Variants in GPHN observed in about 807,000 individuals in gnomAD.
GPHN encodes gephyrin.
Under a neutral mutation model 95.5 loss-of-function variants are expected in GPHN, and 17 were observed. The ratio of observed to expected loss-of-function variants is 0.18; its 90% CI spans 0.12 to 0.27. GPHN has a LOEUF of 0.27. Among genes scored for constraint, GPHN ranks in the 10% least tolerant of loss-of-function variants. GPHN has a pLI of 1.00. For missense variants in GPHN, 660 were observed against 978.1 expected (o/e 0.67, Z 4.34); for synonymous variants, 320 against 322.5 (o/e 0.99, Z 0.08).
At chr14:66,816,616 A>G (rs999249961) in intron 3 of GPHN, among the ~76,000 whole-genome samples, 1 of 152,218 alleles carries the variant, frequency 6.6e-6, no homozygotes, top group Non-Finnish European at 1.5e-5. Flanking sequence ...GTGGACAAAG[A>G]TACAACATAC....
the GPHN span, among the ~76,000 whole-genome samples, chr14:67,555,405 G>A: frequency 2.0e-5 from 3 of 152,162 alleles, no homozygotes; most frequent in Non-Finnish European, 2.9e-5. Flanking sequence ...GTTTTCTATC[G>A]ATGACACAGG....
intron 2 of GPHN, among the ~76,000 whole-genome samples, chr14:66,776,082 A>G (rs1225312881): frequency 1.3e-5 from 2 of 152,164 alleles, no homozygotes; most frequent in East Asian, 1.9e-4. Context: ...CTGTAAACCT[A>G]AAGCTACTAT....
At chr14:67,215,890 C>G in the GPHN span, among the ~76,000 whole-genome samples, 1 of 152,170 alleles carries the variant, frequency 6.6e-6, no homozygotes, top group African/African-American at 2.4e-5. Flanking sequence ...ACAAAGTTAA[C>G]TGAATCATTT....
the GPHN span, chr14:67,561,836 A>G: frequency 4.0e-6 from 3 of 741,754 alleles, no homozygotes; most frequent in South Asian, 1.8e-5. Context: ...CTCCACTGCA[A>G]TTCAGTCTGG....
At chr14:67,540,664 A>G in the GPHN span, among the ~76,000 whole-genome samples, 4 of 152,032 alleles carry the variant, frequency 2.6e-5, no homozygotes, top group East Asian at 7.7e-4. Context: ...AAAATTAACA[A>G]TTATTCCTTA....
chr14:66,651,499 A>G (rs2065042761), intron 1 of GPHN, among the ~76,000 whole-genome samples: 1 of 152,178 alleles, frequency 6.6e-6, no homozygotes. Context: ...TCCCAACCAC[A>G]AAAGACCCCC....
chr14:66,710,649 A>G (rs2069530959), intron 2 of GPHN, among the ~76,000 whole-genome samples: 1 of 152,200 alleles, frequency 6.6e-6, no homozygotes, highest in Admixed American at 6.5e-5. Flanking sequence ...GTTGAGTAGA[A>G]TCTAGGGAAA....
chr14:67,363,317 T>C, the GPHN span, among the ~76,000 whole-genome samples: 1 of 152,082 alleles, frequency 6.6e-6, no homozygotes, highest in African/African-American at 2.4e-5. Flanking sequence ...CCCTATTTTG[T>C]AGGGATTTTG....
At chr14:67,374,219 C>G in the GPHN span, among the ~76,000 whole-genome samples, 5 of 152,076 alleles carry the variant, frequency 3.3e-5, no homozygotes, top group East Asian at 9.6e-4. Flanking sequence ...TTTTCAGATT[C>G]GGGATGCTCT....
intron 18 of GPHN, 106 bp downstream of exon 18, chr14:67,143,555 A>C: frequency 1.3e-6 from 1 of 793,742 alleles, no homozygotes; most frequent in Non-Finnish European, 2.3e-6. Flanking sequence ...AGGCTCCCAC[A>C]AAGCTGAAAA....
the GPHN span, among the ~76,000 whole-genome samples, chr14:67,567,692 C>T: frequency 6.6e-6 from 1 of 152,156 alleles, no homozygotes; most frequent in Non-Finnish European, 1.5e-5. Context: ...TGTCCCAGGG[C>T]TGCTGCTCCC....
the GPHN span, among the ~76,000 whole-genome samples, chr14:67,286,636 G>C: frequency 2.1e-5 from 3 of 145,888 alleles, no homozygotes; most frequent in East Asian, 6.3e-4. Flanking sequence ...TGGGTGGATC[G>C]CTTGAGCTCA....
chr14:66,591,648 A>G (rs1247113043), intron 1 of GPHN, among the ~76,000 whole-genome samples: 1 of 152,224 alleles, frequency 6.6e-6, no homozygotes, highest in Non-Finnish European at 1.5e-5. Flanking sequence ...GCTCAAGGAA[A>G]TAAGAGAGGA....
At chr14:67,465,328 G>GA in the GPHN span, among the ~76,000 whole-genome samples, 1 of 150,450 alleles carries the variant, frequency 6.6e-6, no homozygotes. Flanking sequence ...CAGAGGCAGT[G>GA]AACGGGAGCT....
intron 11 of GPHN, among the ~76,000 whole-genome samples, chr14:67,085,756 A>G (rs750687495): frequency 1.3e-5 from 2 of 152,220 alleles, no homozygotes; most frequent in African/African-American, 2.4e-5. Context: ...GTATGGTTCA[A>G]TAGCATTAAG....
At chr14:66,819,877 G>A (rs1030068962) in intron 3 of GPHN, among the ~76,000 whole-genome samples, 10 of 152,180 alleles carry the variant, frequency 6.6e-5, no homozygotes, top group African/African-American at 2.4e-4. Flanking sequence ...ATGAGTGAAA[G>A]ACATAGCTAT....
intron 1 of GPHN, among the ~76,000 whole-genome samples, chr14:66,549,457 A>G (rs894547659): frequency 6.6e-6 from 1 of 152,230 alleles, no homozygotes; most frequent in Non-Finnish European, 1.5e-5. Context: ...GTGAAGGTCA[A>G]GAGTGGTATG....
intron 8 of GPHN, among the ~76,000 whole-genome samples, chr14:66,955,658 G>A (rs939733443): frequency 3.9e-5 from 6 of 151,906 alleles, no homozygotes; most frequent in Admixed American, 1.3e-4. Flanking sequence ...CCATTAACTC[G>A]TCATTTACAT....
the GPHN span, among the ~76,000 whole-genome samples, chr14:67,623,830 C>T: frequency 6.6e-6 from 1 of 152,090 alleles, no homozygotes; most frequent in South Asian, 2.1e-4. Context: ...GAGTGAGCCA[C>T]TGCTCCCAGC....
Sources: gnomAD v4.1 joint callset for allele counts (sites outside exome capture counted in the v4.1 genomes callset) on GRCh38, gnomAD v4.1.1 for gene constraint, MANE v1.5 for transcripts, NCBI Gene and HGNC (gene_info 2026-07-23, HGNC 2026-07-21) for gene names.